Variants in DLGAP1 observed in about 807,000 individuals in gnomAD.
The protein encoded by DLGAP1 is DLG associated protein 1, also known as disks large-associated protein 1.
DLGAP1 carries 11 observed loss-of-function variants against 90.8 expected under a neutral mutation model. That is an observed-to-expected ratio of 0.12 (90% CI 0.08 to 0.20). DLGAP1 has a LOEUF of 0.20. Ranked by LOEUF, DLGAP1 falls within the 10% of genes least tolerant of loss-of-function variation. The probability of loss-of-function intolerance (pLI) is 1.00; values close to 1 mark genes in which losing one functional copy is unlikely to be tolerated. For missense variants in DLGAP1, 1,050 were observed against 1,333.8 expected (o/e 0.79, Z 3.31); for synonymous variants, 558 against 540.7 (o/e 1.03, Z -0.44).
chr18:4,048,158 T>C (rs1469634300), intron 2 of DLGAP1, among the ~76,000 whole-genome samples: 4 of 152,186 alleles, frequency 2.6e-5, no homozygotes, highest in Admixed American at 6.5e-5. Flanking sequence ...CCCATGTTCA[T>C]TTGAACAGAT....
chr18:3,605,275 C>T (rs2057277003), intron 7 of DLGAP1, among the ~76,000 whole-genome samples: 1 of 152,224 alleles, frequency 6.6e-6, no homozygotes, highest in Non-Finnish European at 1.5e-5. Context: ...TTACGTTCGA[C>T]CTCTTCCAAG....
intron 1 of DLGAP1, among the ~76,000 whole-genome samples, chr18:4,160,489 T>C (rs2076826316): frequency 6.6e-6 from 1 of 152,230 alleles, no homozygotes; most frequent in Non-Finnish European, 1.5e-5. Context: ...GTAAAGCATA[T>C]TATTAATGCA....
At chr18:3,528,254 T>C (rs2051776073) in intron 10 of DLGAP1, among the ~76,000 whole-genome samples, 2 of 152,168 alleles carry the variant, frequency 1.3e-5, no homozygotes, top group African/African-American at 4.8e-5. Context: ...ATTTTTCTGG[T>C]GTGCACAGAA....
At chr18:4,058,355 C>A (rs745836264) in intron 2 of DLGAP1, among the ~76,000 whole-genome samples, 2 of 152,186 alleles carry the variant, frequency 1.3e-5, no homozygotes, top group African/African-American at 2.4e-5. Context: ...TGTCTGTTGG[C>A]TCATTGCCAG....
intron 7 of DLGAP1, among the ~76,000 whole-genome samples, chr18:3,626,500 G>A (rs553902479): frequency 2.0e-5 from 3 of 151,114 alleles, no homozygotes; most frequent in African/African-American, 4.9e-5. Flanking sequence ...AGGCTGAGGT[G>A]GGAGGATCAC....
chr18:4,090,216 G>A (rs966989020), intron 2 of DLGAP1, among the ~76,000 whole-genome samples: 1 of 152,084 alleles, frequency 6.6e-6, no homozygotes, highest in Non-Finnish European at 1.5e-5. Flanking sequence ...AACATCAAAA[G>A]CAATTGCAAC....
At chr18:3,634,782 T>A (rs2058639423) in intron 7 of DLGAP1, among the ~76,000 whole-genome samples, 1 of 152,254 alleles carries the variant, frequency 6.6e-6, no homozygotes, top group South Asian at 2.1e-4. Flanking sequence ...ACTCTCCCTG[T>A]CATTTATTTG....
intron 6 of DLGAP1, among the ~76,000 whole-genome samples, chr18:3,737,411 A>G (rs1358455107): frequency 7.0e-6 from 1 of 143,292 alleles, no homozygotes; most frequent in Non-Finnish European, 1.5e-5. Context: ...AGCACATCAA[A>G]AAGCTTATCC....
At chr18:4,115,713 C>T (rs2144051897) in intron 2 of DLGAP1, among the ~76,000 whole-genome samples, 1 of 152,280 alleles carries the variant, frequency 6.6e-6, no homozygotes, top group East Asian at 1.9e-4. Flanking sequence ...GTCTCAATTT[C>T]CTGACCTCCC....
intron 1 of DLGAP1, among the ~76,000 whole-genome samples, chr18:4,263,289 A>G (rs1224306360): frequency 1.3e-5 from 2 of 152,208 alleles, no homozygotes; most frequent in Non-Finnish European, 2.9e-5. Flanking sequence ...GCAACTATCA[A>G]TACAAAGTAA....
chr18:4,299,584 T>C (rs1030589655), intron 1 of DLGAP1, among the ~76,000 whole-genome samples: 7 of 152,192 alleles, frequency 4.6e-5, no homozygotes, highest in Non-Finnish European at 7.4e-5. Context: ...CTTTTTCAAA[T>C]TGTGCTTACT....
At chr18:3,603,769 A>C (rs746683104) in intron 7 of DLGAP1, 9 of 154,346 alleles carry the variant, frequency 5.8e-5, no homozygotes, top group African/African-American at 9.6e-5. Context: ...CACACAAAAG[A>C]GCTCCTGTTG....
At position 4,266,352 on chromosome 18, in the gene DLGAP1, C is replaced by T. The variant is rs141728796; in HGVS notation, c.-266-115065G>A. On this transcript the variant is annotated intron_variant, in intron 1 of 12. Coordinates refer to ENST00000315677, the MANE Select transcript of DLGAP1 (RefSeq NM_004746.4). ...TTGCTTGGATGATAAAAATACAATGCCACAGACTAGAGAGCACAGAAAATC... is the reference window on the plus strand; with the variant it reads ...TTGCTTGGATGATAAAAATACAATGTCACAGACTAGAGAGCACAGAAAATC... 4.4e-3 allele frequency among the ~76,000 whole-genome samples: 673 copies of T among 152,228 alleles called. 7 individuals carry two copies. The highest frequency in any genetic ancestry group is 0.016 in the African/African-American group (647 of 41,538).
At position 3,523,643 on chromosome 18, in the gene DLGAP1, C is replaced by T. The variant is rs13381019; in HGVS notation, c.2479+10551G>A. ...AGGGCGGATCACGAGGTCAGGAGAT[C>T]GAGACCATCCTGGCTAACACGGTGA... On this transcript the variant is annotated intron_variant, in intron 10 of 12. Coordinates refer to ENST00000315677, the MANE Select transcript of DLGAP1 (RefSeq NM_004746.4). 4.6e-3 allele frequency among the ~76,000 whole-genome samples: 700 copies of T among 151,786 alleles called. 5 individuals are homozygous for T. Among genetic ancestry groups the T allele is most frequent in the African/African-American group, 0.012 (502 of 41,420 alleles).
At chr18:4,041,992 A>G (rs190619800) in intron 2 of DLGAP1, among the ~76,000 whole-genome samples, 2 of 152,356 alleles carry the variant, frequency 1.3e-5, no homozygotes, top group East Asian at 1.9e-4. Flanking sequence ...TGATTTTTAT[A>G]AAGAAGAATT....
At chr18:4,111,271 G>A (rs1045047118) in intron 2 of DLGAP1, among the ~76,000 whole-genome samples, 7 of 152,070 alleles carry the variant, frequency 4.6e-5, no homozygotes, top group African/African-American at 1.7e-4. Context: ...ATTAGGTCAA[G>A]GTGAATAATC....
At chr18:3,881,738 C>T (rs1413301880) in intron 3 of DLGAP1, among the ~76,000 whole-genome samples, 2 of 152,082 alleles carry the variant, frequency 1.3e-5, no homozygotes, top group African/African-American at 2.4e-5. Flanking sequence ...ACGGTGAAAC[C>T]CCGTCTCTTC....
intron 7 of DLGAP1, among the ~76,000 whole-genome samples, chr18:3,689,787 G>T (rs754212251): frequency 2.0e-5 from 3 of 152,128 alleles, no homozygotes; most frequent in Non-Finnish European, 4.4e-5. Context: ...AAAATTTGTG[G>T]TTAATTTGGA....
At chr18:4,007,077 C>T (rs1052736036) in intron 2 of DLGAP1, among the ~76,000 whole-genome samples, 3 of 152,128 alleles carry the variant, frequency 2.0e-5, no homozygotes, top group Admixed American at 2.0e-4. Context: ...ATCAATGTAG[C>T]GCCTGGCCCA....
Sources: allele counts gnomAD v4.1 joint callset (sites outside exome capture counted in the v4.1 genomes callset), GRCh38; gene constraint gnomAD v4.1.1; transcripts MANE v1.5; gene names NCBI Gene and HGNC (gene_info 2026-07-23, HGNC 2026-07-21).